KCNQ1: variants seen among roughly 807,000 people sequenced by gnomAD.
KCNQ1 encodes the protein potassium voltage-gated channel subfamily Q member 1.
KCNQ1 carries 49 observed loss-of-function variants against 72.4 expected under a neutral mutation model. The observed-to-expected ratio is 0.68, with a 90% CI of 0.54 to 0.86. KCNQ1 has a LOEUF of 0.86. KCNQ1 is among the 40% of genes least tolerant of loss of function. The pLI is 0.00. For synonymous variants in KCNQ1, 450 were observed against 412.6 expected (o/e 1.09, Z -1.10); for missense variants, 790 against 945.1 (o/e 0.84, Z 2.15).
At position 2,564,112 on chromosome 11, in the gene KCNQ1, ACCATTTCAG is replaced by A. The variant is rs377225732; in HGVS notation, c.478-6489_478-6481del. Among the ~76,000 whole-genome samples the A allele has an allele frequency of 6.1e-3, 930 of 152,250 alleles. 7 individuals carry two copies. Among genetic ancestry groups the A allele is most frequent in the African/African-American group, 0.018 (749 of 41,536 alleles). On this transcript the variant is annotated intron_variant, in intron 2 of 15. Coordinates refer to ENST00000155840, the MANE Select transcript of KCNQ1 (RefSeq NM_000218.3). The surrounding 1 kb of genome is among the most constrained non-coding windows in gnomAD (Gnocchi z 4.5). ...AGAGAACACACATAACGTAAAATTC[ACCATTTCAG>A]CCATTTCAGCCATTTCAGCCATTTC...
Position 2,718,844 on chromosome 11 carries a change from G to T in KCNQ1, c.1515-50000G>T, listed in dbSNP as rs542359780. 7.0e-4 allele frequency among the ~76,000 whole-genome samples: 107 copies of T among 152,350 alleles called. 1 individual carries two copies. Among genetic ancestry groups the T allele is most frequent in the African/African-American group, 6.3e-4 (26 of 41,574 alleles). Reference sequence around the variant, plus strand: ...AGGGATCTGAGAGCTGGCTAGGCAGGCATCCCGGGTCATTACTGGGCCTGT... The same window carrying T: ...AGGGATCTGAGAGCTGGCTAGGCAGTCATCCCGGGTCATTACTGGGCCTGT... On this transcript the variant is annotated intron_variant, in intron 11 of 15. Transcript: ENST00000155840.
intron 2 of KCNQ1, among the ~76,000 whole-genome samples, chr11:2,551,128 T>C (rs931604214): frequency 6.6e-6 from 1 of 152,204 alleles, no homozygotes; most frequent in Admixed American, 6.5e-5. Flanking sequence ...GAGGTTTAAG[T>C]TACATACAGG....
intron 10 of KCNQ1, chr11:2,622,599 C>T (rs1034903572): frequency 8.5e-5 from 34 of 398,498 alleles, no homozygotes; most frequent in Admixed American, 4.4e-5. Context: ...TTTTGCCTTA[C>T]ATTTTTTAAA....
Position 2,515,799 on chromosome 11 carries a change from C to A in KCNQ1, c.387-12129C>A, listed in dbSNP as rs1364129055. ...GTGGCCGGCCCTGGGAGCACAGAGC[C>A]CCGTTCCCAGCAGCCCTCGGCCCTG... On this transcript the variant is annotated intron_variant, in intron 1 of 15. Transcript: ENST00000155840. The surrounding 1 kb of genome is among the most constrained non-coding windows in gnomAD (Gnocchi z 4.7). Among the ~76,000 whole-genome samples, 1 of 152,096 alleles carries A rather than the reference C, an allele frequency of 6.6e-6. No homozygotes were observed. The highest frequency in any genetic ancestry group is 2.4e-5 in the African/African-American group (1 of 41,420).
chr11:2,687,893 T>G lies in KCNQ1; in HGVS notation c.1514+25812T>G. On this transcript the variant is annotated intron_variant, in intron 11 of 15. Coordinates refer to ENST00000155840, the MANE Select transcript of KCNQ1 (RefSeq NM_000218.3). This position sits in a 1 kb window ranked among gnomAD's most constrained non-coding sequence, Gnocchi z 5.0. ...GACTTGGGGTGTCCCGCGGAAATCC[T>G]GGTGGGATGGAAAATCCCCAGCAGT... is the stretch of plus-strand genomic sequence containing the variant. 1 of 398,694 alleles carries G rather than the reference T, an allele frequency of 2.5e-6. No homozygotes were observed. The highest frequency in any genetic ancestry group is 2.1e-5 in the African/African-American group (1 of 48,760). The allele number at this position is 398,694 out of a possible 1,614,324, so 24.7% of individuals were successfully genotyped here. A position where few individuals can be genotyped will look rare whatever the true frequency, so the allele number is the denominator to read the frequency against.
At chr11:2,632,785 T>G (rs1849382199) in intron 10 of KCNQ1, 1 of 398,452 alleles carries the variant, frequency 2.5e-6, no homozygotes, top group Non-Finnish European at 4.4e-6. Flanking sequence ...AATATTCCAT[T>G]GTGTATACAT....
At position 2,750,244 on chromosome 11, in the gene KCNQ1, G is replaced by T. The variant is rs577811186; in HGVS notation, c.1515-18600G>T. On this transcript the variant is annotated intron_variant, in intron 11 of 15. Transcript: ENST00000155840. This position sits in a 1 kb window ranked among gnomAD's most constrained non-coding sequence, Gnocchi z 6.3. The stretch of plus-strand genomic sequence containing the variant: ...ATGTATTCCAGGGAAGAATTGGGCC[G>T]GAGGCTGAAACAGGACGACAGAGCC... Among the ~76,000 whole-genome samples the T allele has an allele frequency of 6.6e-6, 1 of 152,322 alleles. No individual in the cohort carries two copies. The highest frequency in any genetic ancestry group is 2.1e-4 in the South Asian group (1 of 4,830).
At chr11:2,534,242 C>T (rs1847690705) in intron 2 of KCNQ1, among the ~76,000 whole-genome samples, 1 of 152,364 alleles carries the variant, frequency 6.6e-6, no homozygotes, top group East Asian at 1.9e-4. Context: ...CCCTGGCCTC[C>T]ACTTGCTCAG....
chr11:2,612,282 G>A lies in KCNQ1; in HGVS notation c.1393+23428G>A, dbSNP rs889168238. Reference sequence around the variant, plus strand: ...CCTATTGTGAACTGAGCATGTGAGGGATCTAGGTTGTGCACTCCGTATGAG... The same window carrying A: ...CCTATTGTGAACTGAGCATGTGAGGAATCTAGGTTGTGCACTCCGTATGAG... On this transcript the variant is annotated intron_variant, in intron 10 of 15. Coordinates refer to ENST00000155840, the MANE Select transcript of KCNQ1 (RefSeq NM_000218.3). The surrounding 1 kb of genome is among the most constrained non-coding windows in gnomAD (Gnocchi z 5.5). 3.3e-5 allele frequency: 13 copies of A among 398,462 alleles called. No individual in the cohort carries two copies. Among genetic ancestry groups the A allele is most frequent in the African/African-American group, 1.6e-4 (8 of 48,598 alleles). The allele number at this position is 398,462 out of a possible 1,614,324, so 24.7% of individuals were successfully genotyped here.
Position 2,671,684 on chromosome 11 carries a change from A to G in KCNQ1, c.1514+9603A>G. The stretch of plus-strand genomic sequence containing the variant: ...AGGCAGAGAGCAGGGGTGACTTTGC[A>G]AGGCAATAGAGGGTACTTGGGAAGT... On this transcript the variant is annotated intron_variant, in intron 11 of 15. Coordinates refer to ENST00000155840, the MANE Select transcript of KCNQ1 (RefSeq NM_000218.3). The surrounding 1 kb of genome is among the most constrained non-coding windows in gnomAD (Gnocchi z 4.7). The G allele has an allele frequency of 2.5e-6, 1 of 398,776 alleles. No individual in the cohort carries two copies. Among genetic ancestry groups the G allele is most frequent in the Non-Finnish European group, 4.4e-6 (1 of 226,188 alleles). 24.7% of individuals were successfully genotyped at this position (398,776 alleles called of 1,614,324 possible).
rs570035734 is a variant in KCNQ1, at chr11:2,447,317, G to A, written c.386+1833G>A. Among the ~76,000 whole-genome samples, 13 of 152,300 alleles carry A rather than the reference G, an allele frequency of 8.5e-5. No individual in the cohort carries two copies. The highest frequency in any genetic ancestry group is 3.1e-4 in the African/African-American group (13 of 41,546). On this transcript the variant is annotated intron_variant, in intron 1 of 15. Coordinates refer to ENST00000155840, the MANE Select transcript of KCNQ1 (RefSeq NM_000218.3). This position sits in a 1 kb window ranked among gnomAD's most constrained non-coding sequence, Gnocchi z 7.6. ...AGGGGCAGGATGGCTTCTGTGAAGG[G>A]GTGGCCAGGAAAGGGATGCTTCTGT...
rs1447732995 is a variant in KCNQ1 at position 2,668,474 on chromosome 11, CT to C, written c.1514+6397del. On this transcript the variant is annotated intron_variant, in intron 11 of 15. Transcript: ENST00000155840. The surrounding 1 kb of genome is among the most constrained non-coding windows in gnomAD (Gnocchi z 4.3). The stretch of plus-strand genomic sequence containing the variant: ...AACACTTGGCATTTTCCGTCGTTTC[CT>C]TTTCAGCCATGATGGTGAATGTCTA... 7.5e-6 allele frequency: 3 copies of C among 398,476 alleles called. No individual in the cohort carries two copies. Among genetic ancestry groups the C allele is most frequent in the Non-Finnish European group, 1.3e-5 (3 of 226,066 alleles). The allele number at this position is 398,476 out of a possible 1,614,324, so 24.7% of individuals were successfully genotyped here.
At position 2,657,491 on chromosome 11, in the gene KCNQ1, A is replaced by AT. The variant is rs1849870770; in HGVS notation, c.1394-4464dup. ...GTTCTGTTTTCTCTTGTTACCTCACATTTTTTATTTACAGAAGAGAAACAA... is the reference window on the plus strand; with the variant it reads ...GTTCTGTTTTCTCTTGTTACCTCACATTTTTTTATTTACAGAAGAGAAACAA... On this transcript the variant is annotated intron_variant, in intron 10 of 15. Coordinates refer to ENST00000155840, the MANE Select transcript of KCNQ1 (RefSeq NM_000218.3). This position sits in a 1 kb window ranked among gnomAD's most constrained non-coding sequence, Gnocchi z 4.8. The AT allele has an allele frequency of 2.5e-6, 1 of 398,360 alleles. No individual in the cohort carries two copies. Among genetic ancestry groups the AT allele is most frequent in the South Asian group, 1.3e-4 (1 of 7,858 alleles). 24.7% of individuals were successfully genotyped at this position (398,360 alleles called of 1,614,324 possible).
intron 6 of KCNQ1, among the ~76,000 whole-genome samples, chr11:2,580,419 C>CGTAA (rs1554894093): frequency 0.091 from 13,772 of 152,126 alleles, 744 homozygotes; most frequent in East Asian, 0.18. Flanking sequence ...ATTACATTTT[C>CGTAA]ATAATGTCAT....
intron 1 of KCNQ1, among the ~76,000 whole-genome samples, chr11:2,460,065 G>GC (rs1846251354): frequency 6.6e-6 from 1 of 152,170 alleles, no homozygotes; most frequent in Non-Finnish European, 1.5e-5. Context: ...ACAGGCCTTG[G>GC]TGTCCTGACT....
chr11:2,524,681 T>C (rs1174479793), intron 1 of KCNQ1, among the ~76,000 whole-genome samples: 1 of 152,156 alleles, frequency 6.6e-6, no homozygotes, highest in African/African-American at 2.4e-5. Context: ...AGCTTCCGGC[T>C]TATCCAAGGC....
rs773963103 is a variant in KCNQ1, at chr11:2,592,640, G to A, written c.1393+3786G>A. Among the ~76,000 whole-genome samples, 11 of 152,336 alleles carry A rather than the reference G, an allele frequency of 7.2e-5. No individual in the cohort carries two copies. The highest frequency in any genetic ancestry group is 1.3e-4 in the Non-Finnish European group (9 of 68,018). On this transcript the variant is annotated intron_variant, in intron 10 of 15. Coordinates refer to ENST00000155840, the MANE Select transcript of KCNQ1 (RefSeq NM_000218.3). This position sits in a 1 kb window ranked among gnomAD's most constrained non-coding sequence, Gnocchi z 5.2. Reference sequence around the variant, plus strand: ...ATGAAGGATGCATGGGGACCCAACCGCATGCCACTTGGCTTGGCAGTGTCA... The same window carrying A: ...ATGAAGGATGCATGGGGACCCAACCACATGCCACTTGGCTTGGCAGTGTCA...
chr11:2,829,153 A>G (rs1847894620), intron 15 of KCNQ1, among the ~76,000 whole-genome samples: 1 of 152,222 alleles, frequency 6.6e-6, no homozygotes, highest in African/African-American at 2.4e-5. Context: ...GGAAAAAACA[A>G]AGAAAGAGAA....
chr11:2,773,843 A>C (rs1030942188), intron 12 of KCNQ1, among the ~76,000 whole-genome samples: 1 of 150,068 alleles, frequency 6.7e-6, no homozygotes, highest in East Asian at 2.1e-4. Context: ...TACCAGGTAC[A>C]AGAGATGCTA....
Sources: gnomAD v4.1 joint callset for allele counts (sites outside exome capture counted in the v4.1 genomes callset) on GRCh38, gnomAD v4.1.1 for gene constraint, Gnocchi (gnomAD v3.1) non-coding constraint, MANE v1.5 for transcripts, NCBI Gene and HGNC (gene_info 2026-07-23, HGNC 2026-07-21) for gene names.